The following ALPK1 variants were observed in gnomAD, a reference collection of about 807,000 sequenced individuals.
ALPK1 encodes the protein alpha-protein kinase 1.
Under a neutral mutation model 120.6 loss-of-function variants are expected in ALPK1, and 110 were observed. The observed-to-expected ratio is 0.91, with a 90% CI of 0.78 to 1.07. The LOEUF is 1.07. Ranked by LOEUF, ALPK1 falls within the 50% of genes least tolerant of loss-of-function variation. The probability of loss-of-function intolerance (pLI) is 0.00; values close to 1 mark genes in which losing one functional copy is unlikely to be tolerated. For synonymous variants in ALPK1, 582 were observed against 560.3 expected, an observed-to-expected ratio of 1.04 and a Z score of -0.55; for missense variants, 1,498 against 1,483.9, an observed-to-expected ratio of 1.01 and a Z score of -0.16.
chr4:112,427,102 A>T lies in ALPK1; in HGVS notation c.700-468A>T, dbSNP rs759804975. Among the ~76,000 whole-genome samples, 6 of 152,182 alleles carry T rather than the reference A, an allele frequency of 3.9e-5. 1 individual carries two copies. Among genetic ancestry groups the T allele is most frequent in the Admixed American group, 3.9e-4 (6 of 15,272 alleles). On this transcript the variant is annotated intron_variant, in intron 8 of 15. Transcript: ENST00000650871. ...CGATTCTTTTACAATACAGACTGATATGAGCTCTTCCTTGGGCCAGTTATT... is the reference window on the plus strand; with the variant it reads ...CGATTCTTTTACAATACAGACTGATTTGAGCTCTTCCTTGGGCCAGTTATT...
intron 4 of ALPK1, among the ~76,000 whole-genome samples, chr4:112,400,860 A>G (rs1358326729): frequency 1.3e-5 from 2 of 152,146 alleles, no homozygotes; most frequent in East Asian, 3.9e-4. Context: ...CCCTGGCAGG[A>G]AGATGTGAAG....
chr4:112,410,431 T>C (rs1733399141), intron 4 of ALPK1, among the ~76,000 whole-genome samples: 1 of 147,406 alleles, frequency 6.8e-6, no homozygotes, highest in Admixed American at 6.8e-5. Context: ...CTTATTGAAT[T>C]AGTGCATATA....
chr4:112,305,818 T>C (rs951446148), intron 1 of ALPK1, among the ~76,000 whole-genome samples: 4 of 152,094 alleles, frequency 2.6e-5, no homozygotes, highest in African/African-American at 9.7e-5. Context: ...GGCATCCCTG[T>C]CTTGTGCCAG....
intron 4 of ALPK1, among the ~76,000 whole-genome samples, chr4:112,408,345 T>C (rs981730813): frequency 3.9e-5 from 6 of 152,216 alleles, no homozygotes; most frequent in Non-Finnish European, 8.8e-5. Context: ...ACTATATCTA[T>C]GTGTCCTTAG....
rs531952005 is a variant in ALPK1 at position 112,431,875 on chromosome 4, T to C, written c.2328T>C (p.Pro776=). The change falls in exon 11 of 16, where the codon CCT becomes CCC. Residue 776 remains proline, a synonymous_variant. Transcript: ENST00000650871. The stretch of plus-strand genomic sequence containing the variant: ...AAATTAGTGAAAGAGGCGCAGGCCC[T>C]ACATTTAAAGCTAGTCCCTCCTGGG... ...GEEISERGAG[P]TFKASPSWVD... is the part of the protein sequence containing the mutation. 1.2e-6 allele frequency: 2 copies of C among 1,614,000 alleles called. No homozygotes were observed. The highest frequency in any genetic ancestry group is 2.2e-5 in the East Asian group (1 of 44,884).
chr4:112,359,186 AC>A, intron 2 of ALPK1: 7 of 612,778 alleles, frequency 1.1e-5, no homozygotes, highest in South Asian at 1.7e-5. Context: ...CCCCCAGGCC[AC>A]CCCCCACAGG....
chr4:112,301,526 T>G (rs1727786442), intron 1 of ALPK1, among the ~76,000 whole-genome samples: 1 of 152,162 alleles, frequency 6.6e-6, no homozygotes, highest in Non-Finnish European at 1.5e-5. Flanking sequence ...TTTCTGCTCT[T>G]TCTAGCTCTC....
intron 2 of ALPK1, chr4:112,358,852 ACAAGGGTTC>A: frequency 1.3e-6 from 1 of 790,922 alleles, no homozygotes. Flanking sequence ...CTGCAGGACC[ACAAGGGTTC>A]CGATGACTTT....
At chr4:112,438,696 T>A in intron 13 of ALPK1, 50 bp downstream of exon 13, 1 of 1,577,862 alleles carries the variant, frequency 6.3e-7, no homozygotes, top group Non-Finnish European at 8.7e-7. Flanking sequence ...CACACTTGAA[T>A]ATCAATTAAT....
intron 3 of ALPK1, among the ~76,000 whole-genome samples, chr4:112,379,446 G>A (rs879717635): frequency 2.0e-5 from 3 of 152,244 alleles, no homozygotes; most frequent in Non-Finnish European, 4.4e-5. Context: ...CCTCCTAAGC[G>A]GAGCCATTGG....
intron 1 of ALPK1, among the ~76,000 whole-genome samples, chr4:112,307,653 G>C (rs577556684): frequency 6.6e-6 from 1 of 152,068 alleles, no homozygotes. Context: ...CTGCACATGA[G>C]ATGGGTCTCC....
chr4:112,367,247 C>T (rs372657824), intron 2 of ALPK1, among the ~76,000 whole-genome samples: 3 of 152,188 alleles, frequency 2.0e-5, no homozygotes, highest in South Asian at 2.1e-4. Context: ...AGTGTATACA[C>T]GGTTGATCCC....
At position 112,432,291 on chromosome 4, in the gene ALPK1, G is replaced by T; in HGVS notation, c.2744G>T (p.Gly915Val). 1 of 1,614,180 alleles carries T rather than the reference G, an allele frequency of 6.2e-7. No homozygotes were observed. The highest frequency in any genetic ancestry group is 8.5e-7 in the Non-Finnish European group (1 of 1,180,030). ...CTTTEEGNQPGNMLNCSQNSS... is the reference protein window; with the variant it reads ...CTTTEEGNQPVNMLNCSQNSS... ...ACCACAGAGGAAGGAAATCAGCCTG[G>T]AAACATGCTAAACTGCAGCCAGAAC... The change falls in exon 11 of 16, where the codon GGA (glycine) becomes GTA (valine). Residue 915 changes from glycine to valine, a missense_variant. Coordinates refer to ENST00000650871, the MANE Select transcript of ALPK1 (RefSeq NM_025144.4).
chr4:112,316,645 A>AT (rs961009475), intron 2 of ALPK1, among the ~76,000 whole-genome samples: 1 of 151,814 alleles, frequency 6.6e-6, no homozygotes, highest in African/African-American at 2.4e-5. Context: ...TTATTTTCTG[A>AT]TTTTTTCATG....
At chr4:112,423,103 C>T (rs1414646785) in intron 5 of ALPK1, among the ~76,000 whole-genome samples, 4 of 152,164 alleles carry the variant, frequency 2.6e-5, no homozygotes, top group Admixed American at 6.5e-5. Context: ...CAACCTACCA[C>T]AGCCAGAGTG....
intron 2 of ALPK1, among the ~76,000 whole-genome samples, chr4:112,333,068 C>T (rs1729456207): frequency 6.6e-6 from 1 of 152,168 alleles, no homozygotes; most frequent in Non-Finnish European, 1.5e-5. Flanking sequence ...CCTCAAGCCA[C>T]ACTTCTATTT....
chr4:112,307,336 A>G lies in ALPK1; in HGVS notation c.-152-8465A>G, dbSNP rs566425301. On this transcript the variant is annotated intron_variant, in intron 1 of 15. Transcript: ENST00000650871. Reference sequence around the variant, plus strand: ...ACTTTCTGTCTCGTTGATCTGTCTAATGTTGACAGTGGGGTGTTAAACTCT... The same window carrying G: ...ACTTTCTGTCTCGTTGATCTGTCTAGTGTTGACAGTGGGGTGTTAAACTCT... Among the ~76,000 whole-genome samples the G allele has an allele frequency of 2.0e-5, 3 of 152,116 alleles. No homozygotes were observed. In the South Asian group the frequency reaches 6.2e-4, roughly 32 times the overall value.
In ALPK1 at chr4:112,397,722, T is replaced by C. The variant is rs143357340; in HGVS notation, c.277-14105T>C. On this transcript the variant is annotated intron_variant, in intron 4 of 15. Coordinates refer to ENST00000650871, the MANE Select transcript of ALPK1 (RefSeq NM_025144.4). Reference sequence around the variant, plus strand: ...AATTTATATCTGTTTATGACTTAAATGACTTATGCTGGAGATTCCAAATAC... The same window carrying C: ...AATTTATATCTGTTTATGACTTAAACGACTTATGCTGGAGATTCCAAATAC... 2.5e-3 allele frequency among the ~76,000 whole-genome samples: 375 copies of C among 152,338 alleles called. 1 individual carries two copies. The highest frequency in any genetic ancestry group is 8.7e-3 in the African/African-American group (363 of 41,580).
At chr4:112,412,416 A>G (rs1185659695) in intron 5 of ALPK1, 1 of 463,080 alleles carries the variant, frequency 2.2e-6, no homozygotes, top group South Asian at 1.5e-5. Flanking sequence ...TCCTTTCTGT[A>G]GGACCACTTG....
Sources: gnomAD v4.1 joint callset for allele counts (sites outside exome capture counted in the v4.1 genomes callset) on GRCh38, gnomAD v4.1.1 for gene constraint, MANE v1.5 for transcripts, NCBI Gene and HGNC (gene_info 2026-07-23, HGNC 2026-07-21) for gene names.